Variants in CYP3A4 observed in about 807,000 individuals in gnomAD.
The protein encoded by CYP3A4 is cytochrome P450 3A4.
CYP3A4 carries 41 observed loss-of-function variants against 54.9 expected under a neutral mutation model. The ratio of observed to expected loss-of-function variants is 0.75; its 90% CI spans 0.58 to 0.97. The LOEUF is 0.97. Ranked by LOEUF, CYP3A4 falls within the 50% of genes least tolerant of loss-of-function variation. The pLI is 0.00. For synonymous variants in CYP3A4, 179 were observed against 205.2 expected (o/e 0.87, Z 1.09); for missense variants, 510 against 597.3 (o/e 0.85, Z 1.52).
At position 99,767,262 on chromosome 7, in the gene CYP3A4, T is replaced by C; in HGVS notation, c.671-4A>G. The C allele has an allele frequency of 6.4e-7, 1 of 1,566,928 alleles. No individual in the cohort carries two copies. Among genetic ancestry groups the C allele is most frequent in the Non-Finnish European group, 8.6e-7 (1 of 1,164,434 alleles). ...GGGATGAGGAATGGAAAGACTGCTGTAGGAAAAACAAAACAAAAACAGAAA... is the reference window on the plus strand; with the variant it reads ...GGGATGAGGAATGGAAAGACTGCTGCAGGAAAAACAAAACAAAAACAGAAA... On this transcript the variant is annotated splice_polypyrimidine_tract_variant and splice_region_variant and intron_variant, in intron 7 of 12. Coordinates refer to ENST00000651514, the MANE Select transcript of CYP3A4 (RefSeq NM_017460.6).
chr7:99,763,823 C>T lies in CYP3A4; in HGVS notation c.1026+32G>A, dbSNP rs371018131. 13 of 1,613,236 alleles carry T rather than the reference C, an allele frequency of 8.1e-6. No homozygotes were observed. The African/African-American group carries it at 1.7e-4, about 22-fold the overall frequency. The stretch of plus-strand genomic sequence containing the variant: ...AGGCATTTTTGCTAAGGTTTCACCT[C>T]CTCCCTCCTTCTCCATGTACCATCC... On this transcript the variant is annotated intron_variant, in intron 10 of 12. Coordinates refer to ENST00000651514, the MANE Select transcript of CYP3A4 (RefSeq NM_017460.6).
chr7:99,780,063 G>C lies in CYP3A4; in HGVS notation c.94C>G (p.Leu32Val). The C allele has an allele frequency of 6.2e-7, 1 of 1,613,518 alleles. No homozygotes were observed. Among genetic ancestry groups the C allele is most frequent in the South Asian group, 1.1e-5 (1 of 91,056 alleles). The change falls in exon 2 of 13, where the codon CTT becomes GTT. Residue 32 changes from leucine (L) to valine (V), a missense_variant. Physicochemically the swap from Leu to Val is conservative, Grantham distance 32 (BLOSUM62 1). Transcript: ENST00000651514. Reference sequence around the variant, plus strand: ...CCTGGAATTCCAAGCTTCTTAAAAAGTCCATGTGAATGGGTTCCATATCTA... The same window carrying C: ...CCTGGAATTCCAAGCTTCTTAAAAACTCCATGTGAATGGGTTCCATATCTA... The part of the protein sequence containing the change: ...LYLYGTHSHG[L>V]FKKLGIPGPT...
rs780943514 is a variant in CYP3A4, at chr7:99,768,466, G to A, written c.558C>T (p.Ser186=). The A allele has an allele frequency of 2.5e-6, 4 of 1,613,878 alleles. No homozygotes were observed. The African/African-American group carries it at 5.3e-5, about 22-fold the overall frequency. Residue 186 remains serine, a synonymous_variant, in exon 7 of 13, where the codon AGC becomes AGT. Coordinates refer to ENST00000651514, the MANE Select transcript of CYP3A4 (RefSeq NM_017460.6). ...FGAYSMDVIT[S]TSFGVNIDSL... ...AGTCGATGTTCACTCCAAATGATGT[G>A]CTAGTGATCACATCCATGCTGTAGG...
intron 3 of CYP3A4, among the ~76,000 whole-genome samples, chr7:99,777,511 TGTGTGTGTAA>T (rs1311981221): frequency 1.1e-4 from 10 of 95,110 alleles, no homozygotes; most frequent in Non-Finnish European, 2.7e-4. Flanking sequence ...TGTGTGTGTG[TGTGTGTGTAA>T]AAACCCTGAC....
chr7:99,779,908 CCT>C lies in CYP3A4; in HGVS notation c.165+82_165+83del, dbSNP rs1815869619. 3.1e-6 allele frequency: 4 copies of C among 1,307,814 alleles called. No homozygotes were observed. In the African/African-American group the frequency reaches 5.9e-5, roughly 19 times the overall value. The allele number at this position is 1,307,814 out of a possible 1,614,324, so 81.0% of individuals were successfully genotyped here. ...AAAGTGTAAAACTTCAGACCTTCCC[CCT>C]GAGGAGAAGCATTTTTACTGATGGA... is the stretch of plus-strand genomic sequence containing the variant. On this transcript the variant is annotated intron_variant, in intron 2 of 12. Coordinates refer to ENST00000651514, the MANE Select transcript of CYP3A4 (RefSeq NM_017460.6).
rs750735864 is a variant in CYP3A4 at position 99,760,875 on chromosome 7, G to GT, written c.1359dup (p.Leu454ThrfsTer16). 129 of 1,614,004 alleles carry GT rather than the reference G, an allele frequency of 8.0e-5. No individual in the cohort carries two copies. The highest frequency in any genetic ancestry group is 3.3e-4 in the Middle Eastern group (2 of 6,082). ...TTCTGAAGGACTCTGATTAGAGCAAGTTTCATGTTCATGAGAGCAAACCTC... is the reference window on the plus strand; with the variant it reads ...TTCTGAAGGACTCTGATTAGAGCAAGTTTTCATGTTCATGAGAGCAAACCTC... On this transcript the variant is annotated frameshift_variant, in exon 12 of 13. Transcript: ENST00000651514. LOFTEE classifies it high-confidence loss of function.
At chr7:99,763,498 A>T (rs1815392040) in intron 10 of CYP3A4, among the ~76,000 whole-genome samples, 1 of 152,220 alleles carries the variant, frequency 6.6e-6, no homozygotes, top group Non-Finnish European at 1.5e-5. Flanking sequence ...ATCACACACC[A>T]CTATGGTGCC....
At chr7:99,781,798 A>T (rs182064637) in intron 1 of CYP3A4, among the ~76,000 whole-genome samples, 10 of 152,370 alleles carry the variant, frequency 6.6e-5, no homozygotes, top group African/African-American at 2.4e-4. Flanking sequence ...ATAACAAAAG[A>T]TGTAGTATTC....
chr7:99,759,855 G>A (rs1200537033), intron 12 of CYP3A4, among the ~76,000 whole-genome samples: 1 of 141,064 alleles, frequency 7.1e-6, no homozygotes, highest in East Asian at 2.0e-4. Context: ...TTTTTTTTTT[G>A]AGACAGAGTC....
intron 7 of CYP3A4, among the ~76,000 whole-genome samples, chr7:99,767,705 T>C (rs72556516): frequency 4.6e-5 from 7 of 152,146 alleles, no homozygotes; most frequent in African/African-American, 1.4e-4. Flanking sequence ...GGAAAGAAAA[T>C]TGAGAAACTC....
chr7:99,761,157 A>C (rs1174714086), intron 11 of CYP3A4, among the ~76,000 whole-genome samples, 176 bp from the exon 12 acceptor site: 2 of 152,208 alleles, frequency 1.3e-5, no homozygotes, highest in Non-Finnish European at 2.9e-5. Flanking sequence ...TAAGCTACAG[A>C]TCCTTTCTAC....
intron 4 of CYP3A4, 107 bp downstream of exon 4, chr7:99,772,483 G>T (rs1006732736): frequency 2.8e-6 from 4 of 1,424,112 alleles, no homozygotes; most frequent in Non-Finnish European, 3.9e-6. Context: ...TGAAGTGGAC[G>T]TGGAACCTTC....
intron 9 of CYP3A4, among the ~76,000 whole-genome samples, chr7:99,765,921 G>C (rs1815466331): frequency 6.6e-6 from 1 of 152,064 alleles, no homozygotes; most frequent in Non-Finnish European, 1.5e-5. Context: ...GAACAGCGTG[G>C]CTCCTGATTG....
chr7:99,777,941 G>T, intron 3 of CYP3A4, 87 bp downstream of exon 3: 1 of 1,007,998 alleles, frequency 9.9e-7, no homozygotes, highest in Non-Finnish European at 1.5e-6. Flanking sequence ...CATCCCAAGA[G>T]GCTTTGGGCT....
intron 8 of CYP3A4, 181 bp downstream of exon 8, chr7:99,766,950 T>G (rs1401215319): frequency 1.1e-5 from 6 of 530,390 alleles, no homozygotes; most frequent in Non-Finnish European, 1.9e-5. Context: ...TTCTCATATC[T>G]CCTTCCCCAA....
chr7:99,766,701 T>G, intron 8 of CYP3A4: 1 of 498,106 alleles, frequency 2.0e-6, no homozygotes, highest in Non-Finnish European at 3.6e-6. Context: ...GGTGGCCTGA[T>G]AGGGACTTTC....
At chr7:99,766,983 C>CCAA in intron 8 of CYP3A4, 148 bp downstream of exon 8, 1 of 672,380 alleles carries the variant, frequency 1.5e-6, no homozygotes, top group East Asian at 3.2e-5. Context: ...GCATTTCTAC[C>CCAA]AAATGAATTC....
intron 3 of CYP3A4, among the ~76,000 whole-genome samples, chr7:99,777,508 G>A (rs1035163983): frequency 2.7e-5 from 4 of 149,556 alleles, no homozygotes; most frequent in African/African-American, 7.3e-5. Flanking sequence ...GTGTGTGTGT[G>A]TGTGTGTGTG....
At chr7:99,775,717 A>C (rs553839427) in intron 3 of CYP3A4, among the ~76,000 whole-genome samples, 142 of 152,296 alleles carry the variant, frequency 9.3e-4, no homozygotes, top group African/African-American at 3.3e-3. Context: ...ACTTAAATGT[A>C]AGACCTAGGA....
Sources: allele counts gnomAD v4.1 joint callset (sites outside exome capture counted in the v4.1 genomes callset), GRCh38; gene constraint gnomAD v4.1.1; transcripts MANE v1.5; gene names NCBI Gene and HGNC (gene_info 2026-07-23, HGNC 2026-07-21).